Variants in SESN3 observed in about 807,000 individuals in gnomAD.
SESN3 encodes sestrin-3.
A neutral mutation model predicts 55.3 loss-of-function variants in SESN3; 21 were observed. The ratio of observed to expected loss-of-function variants is 0.38; its 90% CI spans 0.27 to 0.55. The LOEUF is 0.55. SESN3 is among the 20% of genes least tolerant of loss of function. The pLI, the probability that SESN3 is intolerant of heterozygous loss-of-function variation, is 0.76. For synonymous variants in SESN3, 181 were observed against 203.1 expected (o/e 0.89, Z 0.93); for missense variants, 408 against 604.3 (o/e 0.68, Z 3.41).
At chr11:95,186,194 C>G (rs966219201) in intron 4 of SESN3, among the ~76,000 whole-genome samples, 30 of 107,634 alleles carry the variant, frequency 2.8e-4, no homozygotes, top group Non-Finnish European at 5.0e-4. Context: ...CTATCTCTCA[C>G]TGTGTGTGTG....
chr11:95,215,843 A>G (rs1860743608), intron 1 of SESN3, among the ~76,000 whole-genome samples: 1 of 152,178 alleles, frequency 6.6e-6, no homozygotes, highest in Non-Finnish European at 1.5e-5. Context: ...TCACGCCTGT[A>G]GTCCCAGCAC....
At chr11:95,213,927 T>TA (rs2134258600) in intron 1 of SESN3, among the ~76,000 whole-genome samples, 1 of 152,170 alleles carries the variant, frequency 6.6e-6, no homozygotes, top group African/African-American at 2.4e-5. Context: ...AAGTCCTATG[T>TA]AAAAAAGAAA....
intron 8 of SESN3, among the ~76,000 whole-genome samples, chr11:95,176,562 G>A (rs1230118684): frequency 2.0e-5 from 3 of 152,158 alleles, no homozygotes; most frequent in Non-Finnish European, 4.4e-5. Flanking sequence ...CAGAGTAAAT[G>A]GGCACAGATG....
At chr11:95,202,098 A>G (rs1266915143) in intron 1 of SESN3, among the ~76,000 whole-genome samples, 2 of 152,038 alleles carry the variant, frequency 1.3e-5, no homozygotes, top group African/African-American at 4.8e-5. Context: ...CTTAAGGTTC[A>G]GTTATATTGT....
chr11:95,167,475 C>CCCATATATATATATAT lies in SESN3; in HGVS notation c.*5779_*5780insATATATATATATATGG, dbSNP rs563322416. 2.0e-5 allele frequency: 3 copies of CCCATATATATATATAT among 150,822 alleles called. No individual in the cohort carries two copies. Among genetic ancestry groups the CCCATATATATATATAT allele is most frequent in the African/African-American group, 7.5e-5 (3 of 40,222 alleles). 9.3% of individuals were successfully genotyped at this position (150,822 alleles called of 1,614,324 possible). ...TCAGATATTCATTCTGTTTCCCCCC[C>CCCATATATATATATAT]ATATATATAATTTTTCATTCTGTAC... is the stretch of plus-strand genomic sequence containing the variant. On this transcript the variant is annotated 3_prime_UTR_variant, in exon 10 of 10. Coordinates refer to ENST00000536441, the MANE Select transcript of SESN3 (RefSeq NM_144665.4).
intron 1 of SESN3, among the ~76,000 whole-genome samples, chr11:95,211,036 G>A (rs1266693773): frequency 6.6e-6 from 1 of 152,198 alleles, no homozygotes; most frequent in Admixed American, 6.5e-5. Flanking sequence ...ATGATAAGAT[G>A]CTCTGACACA....
chr11:95,175,765 A>G (rs1859944397), intron 8 of SESN3, 123 bp from the exon 9 acceptor site: 1 of 771,072 alleles, frequency 1.3e-6, no homozygotes, highest in African/African-American at 1.8e-5. Flanking sequence ...AATTGAATCA[A>G]CAAATGTTTA....
chr11:95,184,711 C>A, intron 5 of SESN3, 117 bp from the exon 6 acceptor site: 1 of 875,038 alleles, frequency 1.1e-6, no homozygotes, highest in East Asian at 2.6e-5. Flanking sequence ...TTATGAAGTT[C>A]TTAAGTCGGT....
chr11:95,177,777 C>T lies in SESN3; in HGVS notation c.1189G>A (p.Asp397Asn). 6.2e-7 allele frequency: 1 copy of T among 1,612,146 alleles called. No individual in the cohort carries two copies. Among genetic ancestry groups the T allele is most frequent in the Non-Finnish European group, 8.5e-7 (1 of 1,179,380 alleles). ...AAAGCTCTGCGCAGCATGGTTGTGT[C>T]AACATCCTCATGGGTGGCCATAGTG... ...YNTMATHEDV[D>N]TTMLRRALFN... The change falls in exon 8 of 10, where the codon GAC becomes AAC. Residue 397 changes from aspartate (D) to asparagine (N), a missense_variant. This residue lies in a region of SESN3 where 121 missense variants were observed against 204.9 expected (regional missense o/e 0.59). Transcript: ENST00000536441.
intron 1 of SESN3, among the ~76,000 whole-genome samples, chr11:95,226,809 G>T (rs1310563534): frequency 6.6e-6 from 1 of 152,108 alleles, no homozygotes; most frequent in African/African-American, 2.4e-5. Flanking sequence ...ATATTTGGGG[G>T]TACCCATATT....
chr11:95,196,525 T>C (rs1860363971), intron 1 of SESN3, among the ~76,000 whole-genome samples: 2 of 152,130 alleles, frequency 1.3e-5, no homozygotes, highest in Admixed American at 1.3e-4. Flanking sequence ...TTCCTCCGCC[T>C]TTCTTTCAAA....
rs1327999375 is a variant in SESN3, at chr11:95,192,737, C to T, written c.144+720G>A. 2.6e-5 allele frequency among the ~76,000 whole-genome samples: 4 copies of T among 152,064 alleles called. No homozygotes were observed. In the South Asian group the frequency reaches 6.2e-4, roughly 24 times the overall value. On this transcript the variant is annotated intron_variant, in intron 2 of 9. Transcript: ENST00000536441. ...TGTGAGGAAATGTTAACTACAATGGCGTAACTCATTATGGAGCCAAGTATA... is the reference window on the plus strand; with the variant it reads ...TGTGAGGAAATGTTAACTACAATGGTGTAACTCATTATGGAGCCAAGTATA...
chr11:95,201,156 C>T lies in SESN3; in HGVS notation c.79-7634G>A, dbSNP rs567711926. ...TAAGTAACTTTCATAAAAAAAAAAT[C>T]TTGGTGTGCCATTTGGTAAGAACCA... On this transcript the variant is annotated intron_variant, in intron 1 of 9. Transcript: ENST00000536441. 3 of 151,856 alleles carry T rather than the reference C, an allele frequency of 2.0e-5. 1 individual carries two copies. In the South Asian group the frequency reaches 6.2e-4, roughly 32 times the overall value. The allele number at this position is 151,856 out of a possible 1,614,324, so 9.4% of individuals were successfully genotyped here.
intron 1 of SESN3, among the ~76,000 whole-genome samples, chr11:95,207,147 GTTTAAAA>G: frequency 1.1e-5 from 1 of 94,304 alleles, no homozygotes; most frequent in Non-Finnish European, 2.5e-5. Flanking sequence ...GGCATTCTAA[GTTTAAAA>G]CACTTACTTC....
Position 95,170,745 on chromosome 11 carries a change from GAAGTC to G in SESN3, c.*2505_*2509del. ...ATTAGTAGGTGCTTTAGCACCTGCAGAAGTCAATTTTTCTAGGCTGGTTCACTGAG... is the reference window on the plus strand; with the variant it reads ...ATTAGTAGGTGCTTTAGCACCTGCAGAATTTTTCTAGGCTGGTTCACTGAG... On this transcript the variant is annotated 3_prime_UTR_variant, in exon 10 of 10. Coordinates refer to ENST00000536441, the MANE Select transcript of SESN3 (RefSeq NM_144665.4). The G allele has an allele frequency of 6.6e-6, 1 of 152,162 alleles. No individual in the cohort carries two copies. Among genetic ancestry groups the G allele is most frequent in the Non-Finnish European group, 1.5e-5 (1 of 68,016 alleles). The allele number at this position is 152,162 out of a possible 1,614,324, so 9.4% of individuals were successfully genotyped here.
At chr11:95,189,750 C>A in intron 4 of SESN3, 29 bp downstream of exon 4, 1 of 1,538,670 alleles carries the variant, frequency 6.5e-7, no homozygotes, top group Non-Finnish European at 8.8e-7. Context: ...TAAGCAAATT[C>A]CTTTTTATTT....
At chr11:95,229,921 C>G (rs1421661003) in intron 1 of SESN3, among the ~76,000 whole-genome samples, 1 of 152,030 alleles carries the variant, frequency 6.6e-6, no homozygotes, top group East Asian at 1.9e-4. Flanking sequence ...CTGTTAAAAT[C>G]TGATCAAAAA....
At chr11:95,203,247 TACTC>T (rs1291614545) in intron 1 of SESN3, among the ~76,000 whole-genome samples, 1 of 152,146 alleles carries the variant, frequency 6.6e-6, no homozygotes. Flanking sequence ...ACAAGTCACT[TACTC>T]AGCTTAGAGG....
chr11:95,204,769 A>C (rs1483272232), intron 1 of SESN3: 4 of 152,158 alleles, frequency 2.6e-5, no homozygotes, highest in Admixed American at 2.6e-4. Flanking sequence ...ATAAATATTC[A>C]TTGTTTCTGC....
Sources: allele counts gnomAD v4.1 joint callset (sites outside exome capture counted in the v4.1 genomes callset), GRCh38; gene constraint gnomAD v4.1.1; regional missense constraint gnomAD v4.1.1; transcripts MANE v1.5; gene names NCBI Gene and HGNC (gene_info 2026-07-23, HGNC 2026-07-21).